SLIT2: variants seen among roughly 807,000 people sequenced by gnomAD.
SLIT2 encodes slit guidance ligand 2, also known as slit homolog 2 protein.
SLIT2 carries 41 observed loss-of-function variants against 185.7 expected under a neutral mutation model. That is an observed-to-expected ratio of 0.22 (90% CI 0.17 to 0.29). The LOEUF (loss-of-function observed/expected upper bound fraction) is 0.29. Ranked by LOEUF, SLIT2 falls within the 10% of genes least tolerant of loss-of-function variation. SLIT2 has a pLI of 1.00. For missense variants in SLIT2, 1,571 were observed against 1,909.0 expected (o/e 0.82, Z 3.30); for synonymous variants, 693 against 680.2 (o/e 1.02, Z -0.29).
intron 4 of SLIT2, among the ~76,000 whole-genome samples, chr4:20,323,229 G>A (rs1420729791): frequency 6.6e-6 from 1 of 152,072 alleles, no homozygotes; most frequent in Non-Finnish European, 1.5e-5. Flanking sequence ...GATATGCAGG[G>A]TATTTATTCG....
intron 4 of SLIT2, among the ~76,000 whole-genome samples, chr4:20,451,357 T>G (rs777084828): frequency 2.0e-5 from 3 of 152,214 alleles, no homozygotes; most frequent in African/African-American, 4.8e-5. Flanking sequence ...TCCTTCAACT[T>G]TCAGTCAGTT....
At chr4:20,436,978 C>T (rs1260499902) in intron 4 of SLIT2, among the ~76,000 whole-genome samples, 2 of 152,180 alleles carry the variant, frequency 1.3e-5, no homozygotes, top group African/African-American at 4.8e-5. Flanking sequence ...GAGTTAGTTA[C>T]AAGGATTAAT....
chr4:20,319,028 C>T (rs1365913824), intron 4 of SLIT2, among the ~76,000 whole-genome samples: 1 of 152,090 alleles, frequency 6.6e-6, no homozygotes, highest in Non-Finnish European at 1.5e-5. Context: ...TGTATGCCTT[C>T]AGGGCTGTGG....
At chr4:20,323,142 T>G (rs1719251094) in intron 4 of SLIT2, among the ~76,000 whole-genome samples, 1 of 152,190 alleles carries the variant, frequency 6.6e-6, no homozygotes, top group Non-Finnish European at 1.5e-5. Context: ...AGCAGGAATC[T>G]CCTATCTAGG....
chr4:20,518,557 G>GTATGTATATATATATATATA (rs1553916592), intron 11 of SLIT2, among the ~76,000 whole-genome samples: 2 of 17,846 alleles, frequency 1.1e-4, no homozygotes, highest in African/African-American at 4.4e-4. Context: ...CAGCCTATAT[G>GTATGTATATATATATATATA]TATATATATA....
chr4:20,537,161 T>C (rs1312603165), intron 18 of SLIT2, among the ~76,000 whole-genome samples: 5 of 152,228 alleles, frequency 3.3e-5, no homozygotes, highest in African/African-American at 1.2e-4. Context: ...ACCAATAATA[T>C]AGTTGTTTAT....
chr4:20,448,427 T>G (rs2148710326), intron 4 of SLIT2, among the ~76,000 whole-genome samples: 1 of 152,116 alleles, frequency 6.6e-6, no homozygotes, highest in South Asian at 2.1e-4. Context: ...TTCAAGTGAT[T>G]CTTGTGCCTC....
intron 4 of SLIT2, among the ~76,000 whole-genome samples, chr4:20,442,523 CAAAAAA>C (rs3049201): frequency 4.0e-5 from 3 of 74,224 alleles, no homozygotes; most frequent in Non-Finnish European, 7.9e-5. Context: ...GACTCTGTCT[CAAAAAA>C]AAAAAAAAAA....
At chr4:20,429,515 G>A (rs1026085726) in intron 4 of SLIT2, among the ~76,000 whole-genome samples, 1 of 152,166 alleles carries the variant, frequency 6.6e-6, no homozygotes, top group Non-Finnish European at 1.5e-5. Context: ...GAACCTGGAA[G>A]TAATGATTAC....
intron 4 of SLIT2, among the ~76,000 whole-genome samples, chr4:20,444,939 A>T (rs2148706013): frequency 6.6e-6 from 1 of 152,298 alleles, no homozygotes; most frequent in East Asian, 1.9e-4. Context: ...TCTGTCTAGA[A>T]ACCCTAACCC....
intron 2 of SLIT2, among the ~76,000 whole-genome samples, 179 bp from the exon 3 acceptor site, chr4:20,257,689 T>A (rs1711989860): frequency 6.6e-6 from 1 of 151,966 alleles, no homozygotes; most frequent in African/African-American, 2.4e-5. Flanking sequence ...CAGACACTGC[T>A]ATTTCCCTTC....
chr4:20,257,592 A>G (rs1711980422), intron 2 of SLIT2, among the ~76,000 whole-genome samples: 2 of 151,972 alleles, frequency 1.3e-5, no homozygotes, highest in Non-Finnish European at 1.5e-5. Flanking sequence ...GTCAAGGATT[A>G]CTCTTCAGAT....
At chr4:20,330,606 A>G (rs1719980809) in intron 4 of SLIT2, among the ~76,000 whole-genome samples, 1 of 152,136 alleles carries the variant, frequency 6.6e-6, no homozygotes, top group Non-Finnish European at 1.5e-5. Flanking sequence ...CATAATAATT[A>G]CATACTCTCA....
At chr4:20,596,117 C>T (rs1046373776) in intron 31 of SLIT2, among the ~76,000 whole-genome samples, 6 of 151,978 alleles carry the variant, frequency 3.9e-5, no homozygotes, top group African/African-American at 1.2e-4. Context: ...AGACAAAAAA[C>T]GTAGAACTTA....
intron 9 of SLIT2, 30 bp downstream of exon 9, chr4:20,491,929 C>T (rs1385682303): frequency 2.5e-6 from 4 of 1,604,160 alleles, no homozygotes; most frequent in Non-Finnish European, 2.6e-6. Flanking sequence ...TCTTATCTCC[C>T]CACCTTCCCG....
At chr4:20,543,981 C>T in intron 21 of SLIT2, among the ~76,000 whole-genome samples, 1 of 151,944 alleles carries the variant, frequency 6.6e-6, no homozygotes, top group Non-Finnish European at 1.5e-5. Flanking sequence ...ATAGAATATT[C>T]TGTGTCCACA....
intron 29 of SLIT2, among the ~76,000 whole-genome samples, chr4:20,575,245 C>G (rs1034747741): frequency 2.6e-5 from 4 of 152,078 alleles, no homozygotes; most frequent in Non-Finnish European, 4.4e-5. Flanking sequence ...ATAAAAGCTC[C>G]CTTTTATTTC....
At chr4:20,376,871 C>G (rs767484682) in intron 4 of SLIT2, among the ~76,000 whole-genome samples, 4 of 149,822 alleles carry the variant, frequency 2.7e-5, no homozygotes, top group African/African-American at 9.8e-5. Context: ...CAGGGCCTGT[C>G]GTGGAGCGGG....
rs1392287392 is a variant in SLIT2 at position 20,567,246 on chromosome 4, T to C, written c.2726-16T>C. 23 of 1,595,430 alleles carry C rather than the reference T, an allele frequency of 1.4e-5. No homozygotes were observed. Among genetic ancestry groups the C allele is most frequent in the Non-Finnish European group, 1.9e-5 (22 of 1,173,386 alleles). ...GGAAGAGCGTCAGTTGCTTATATTT[T>C]TGAATTAATTTTCAGGTCCTGTGGA... On this transcript the variant is annotated splice_polypyrimidine_tract_variant and intron_variant, in intron 26 of 36. Transcript: ENST00000504154.
Sources: gnomAD v4.1 joint callset for allele counts (sites outside exome capture counted in the v4.1 genomes callset) on GRCh38, gnomAD v4.1.1 for gene constraint, MANE v1.5 for transcripts, NCBI Gene and HGNC (gene_info 2026-07-23, HGNC 2026-07-21) for gene names.